Variants in RBFOX1 observed in about 807,000 individuals in gnomAD.
The protein encoded by RBFOX1 is RNA binding protein fox-1 homolog 1.
Under a neutral mutation model 57.7 loss-of-function variants are expected in RBFOX1, and 8 were observed. The ratio of observed to expected loss-of-function variants is 0.14; its 90% CI spans 0.08 to 0.25. The LOEUF is 0.25. Ranked by LOEUF, RBFOX1 falls within the 10% of genes least tolerant of loss-of-function variation. RBFOX1 has a pLI of 1.00. For missense variants in RBFOX1, 611 were observed against 548.5 expected, an observed-to-expected ratio of 1.11 and a Z score of -1.14; for synonymous variants, 326 against 222.4, an observed-to-expected ratio of 1.47 and a Z score of -4.15.
intron 2 of RBFOX1, among the ~76,000 whole-genome samples, chr16:6,520,822 C>T (rs2096484357): frequency 6.6e-6 from 1 of 151,920 alleles, no homozygotes; most frequent in Non-Finnish European, 1.5e-5. Context: ...TATAAGGAGG[C>T]AGAGGGAACT....
chr16:7,499,198 C>G (rs1404180035), intron 4 of RBFOX1, among the ~76,000 whole-genome samples: 3 of 152,182 alleles, frequency 2.0e-5, no homozygotes, highest in African/African-American at 7.2e-5. Flanking sequence ...GGAGGACAAT[C>G]TGCCCCATGC....
At chr16:7,220,309 C>T (rs1001212066) in intron 4 of RBFOX1, among the ~76,000 whole-genome samples, 4 of 152,188 alleles carry the variant, frequency 2.6e-5, no homozygotes, top group Non-Finnish European at 5.9e-5. Context: ...TTTCATCATG[C>T]TGAGTGAGAT....
In RBFOX1 at chr16:5,347,360, C is replaced by T. The variant is rs138911702; in HGVS notation, c.219+107255C>T. 8.5e-3 allele frequency among the ~76,000 whole-genome samples: 1,289 copies of T among 152,228 alleles called. 21 individuals carry two copies. Among genetic ancestry groups the T allele is most frequent in the Non-Finnish European group, 8.8e-3 (596 of 68,004 alleles). On this transcript the variant is annotated intron_variant, in intron 1 of 2. Transcript: ENST00000585867. ...ACTTGAATGAATGCATGAACTCAGC[C>T]TCCTTGAATCATACTTTGTTCTTCT...
chr16:7,343,894 A>G (rs913525671), intron 4 of RBFOX1, among the ~76,000 whole-genome samples: 11 of 152,284 alleles, frequency 7.2e-5, no homozygotes, highest in Admixed American at 2.6e-4. Flanking sequence ...AAAGTCCACA[A>G]TATAGCACCT....
At chr16:5,790,250 C>T (rs1023383754) in intron 3 of RBFOX1, among the ~76,000 whole-genome samples, 1 of 152,146 alleles carries the variant, frequency 6.6e-6, no homozygotes, top group Non-Finnish European at 1.5e-5. Flanking sequence ...TGCCTTGTGG[C>T]CTGTGAGCTG....
At chr16:7,036,742 A>G (rs904124173) in intron 3 of RBFOX1, among the ~76,000 whole-genome samples, 13 of 121,860 alleles carry the variant, frequency 1.1e-4, no homozygotes, top group Middle Eastern at 7.5e-3. Flanking sequence ...AAGAAAAAAA[A>G]AAAGAAAGAA....
chr16:6,503,306 C>T (rs561537659), intron 2 of RBFOX1, among the ~76,000 whole-genome samples: 1 of 152,068 alleles, frequency 6.6e-6, no homozygotes. Flanking sequence ...TCCACTTCTC[C>T]AGACGAGATG....
intron 3 of RBFOX1, among the ~76,000 whole-genome samples, chr16:5,817,138 A>G (rs573266767): frequency 6.6e-6 from 1 of 152,242 alleles, no homozygotes; most frequent in East Asian, 1.9e-4. Flanking sequence ...AATCCAATTC[A>G]GCGTCGTCTT....
chr16:6,573,200 C>G (rs2097369796), intron 2 of RBFOX1, among the ~76,000 whole-genome samples: 1 of 152,138 alleles, frequency 6.6e-6, no homozygotes, highest in South Asian at 2.1e-4. Flanking sequence ...AAACAGTGCC[C>G]TTTCAGTAGA....
At chr16:7,079,024 C>T (rs926484946) in intron 4 of RBFOX1, among the ~76,000 whole-genome samples, 51 of 151,664 alleles carry the variant, frequency 3.4e-4, no homozygotes, top group Admixed American at 6.6e-5. Context: ...GTTAGGGTTT[C>T]AAAATATCTT....
At position 5,814,710 on chromosome 16, in the gene RBFOX1, T is replaced by C. The variant is rs28715727; in HGVS notation, c.319-52593T>C. 6.5e-3 allele frequency among the ~76,000 whole-genome samples: 995 copies of C among 152,200 alleles called. 10 individuals are homozygous for C. The highest frequency in any genetic ancestry group is 0.022 in the African/African-American group (926 of 41,544). ...TTGGGAGGCCGAGGCGGGTGGATCA[T>C]GAGGTCAGGAGATCGAGACCATCCT... On this transcript the variant is annotated intron_variant, in intron 3 of 19. Coordinates refer to the RBFOX1 transcript ENST00000641259.
chr16:6,528,088 C>T (rs2096605963), intron 2 of RBFOX1, among the ~76,000 whole-genome samples: 1 of 152,180 alleles, frequency 6.6e-6, no homozygotes, highest in Non-Finnish European at 1.5e-5. Flanking sequence ...TTGTCACCTT[C>T]AGGAAACCTT....
At chr16:6,313,403 G>A (rs935225227) in intron 1 of RBFOX1, among the ~76,000 whole-genome samples, 2 of 152,302 alleles carry the variant, frequency 1.3e-5, no homozygotes, top group East Asian at 3.9e-4. Context: ...AGGAGGAGAT[G>A]GCATTGCATT....
chr16:6,975,890 G>T (rs563267984), intron 3 of RBFOX1, among the ~76,000 whole-genome samples: 1 of 152,242 alleles, frequency 6.6e-6, no homozygotes, highest in South Asian at 2.1e-4. Flanking sequence ...ACTTTGGGAG[G>T]CTGAGGTAGG....
intron 4 of RBFOX1, among the ~76,000 whole-genome samples, chr16:5,932,249 G>A (rs1036702948): frequency 2.0e-5 from 3 of 152,204 alleles, no homozygotes; most frequent in East Asian, 1.9e-4. Context: ...TTGATGCACC[G>A]TAGCTGGTTT....
At chr16:6,778,029 A>G (rs555846391) in intron 3 of RBFOX1, among the ~76,000 whole-genome samples, 1 of 152,178 alleles carries the variant, frequency 6.6e-6, no homozygotes, top group African/African-American at 2.4e-5. Context: ...GTGTGAACTC[A>G]TAAGGTGTGG....
chr16:6,875,278 A>C (rs2061633724), intron 3 of RBFOX1, among the ~76,000 whole-genome samples: 1 of 152,226 alleles, frequency 6.6e-6, no homozygotes, highest in Non-Finnish European at 1.5e-5. Flanking sequence ...CGGTTGTCTA[A>C]ACAATACAAC....
At chr16:6,089,098 A>T (rs1051741917) in intron 1 of RBFOX1, among the ~76,000 whole-genome samples, 2 of 149,758 alleles carry the variant, frequency 1.3e-5, no homozygotes, top group Non-Finnish European at 3.0e-5. Flanking sequence ...TATATATATG[A>T]TCCTAAAAAG....
chr16:7,060,388 C>G (rs545959686), intron 4 of RBFOX1, among the ~76,000 whole-genome samples: 1 of 152,050 alleles, frequency 6.6e-6, no homozygotes, highest in East Asian at 1.9e-4. Context: ...AAAGAAAAGG[C>G]CTTAGACTCA....
Sources: gnomAD v4.1 joint callset for allele counts (sites outside exome capture counted in the v4.1 genomes callset) on GRCh38, gnomAD v4.1.1 for gene constraint, MANE v1.5 for transcripts, NCBI Gene and HGNC (gene_info 2026-07-23, HGNC 2026-07-21) for gene names.